The following SLC35D1 variants were observed in gnomAD, a reference collection of about 807,000 sequenced individuals.
The protein encoded by SLC35D1 is solute carrier family 35 member D1.
In SLC35D1, 31 loss-of-function variants were observed where a neutral mutation model predicts 46.7. The observed-to-expected ratio is 0.66, with a 90% CI of 0.50 to 0.90. The LOEUF is 0.90. SLC35D1 is among the 40% of genes least tolerant of loss of function. The probability of loss-of-function intolerance (pLI) is 0.00; values close to 1 mark genes in which losing one functional copy is unlikely to be tolerated. For synonymous variants in SLC35D1, 195 were observed against 164.6 expected, an observed-to-expected ratio of 1.18 and a Z score of -1.41; for missense variants, 397 against 426.2, an observed-to-expected ratio of 0.93 and a Z score of 0.60.
chr1:67,021,550 A>C lies in SLC35D1; in HGVS notation c.782T>G (p.Leu261Arg), dbSNP rs745470848. ...AAAGGCTTACCCCATCACACAGGAG[A>C]GGGTGAACTGCAGAAGAAAGAGGGT... is the stretch of plus-strand genomic sequence containing the variant. ...ADTLFLLQFT[L>R]SCVMGFILMY... is the part of the protein sequence containing the mutation. Residue 261 changes from leucine to arginine, a missense_variant, in exon 9 of 12, where the codon CTC becomes CGC. Transcript: ENST00000235345. The C allele has an allele frequency of 6.2e-7, 1 of 1,614,022 alleles. No individual in the cohort carries two copies.
the SLC35D1 span, chr1:66,986,324 TGTA>T: frequency 1.4e-5 from 22 of 1,540,416 alleles, no homozygotes; most frequent in Admixed American, 2.5e-4. Flanking sequence ...TGTTAAATAA[TGTA>T]GTTTTATATA....
chr1:67,033,063 A>G (rs1668049638), intron 8 of SLC35D1, among the ~76,000 whole-genome samples: 1 of 152,190 alleles, frequency 6.6e-6, no homozygotes, highest in Non-Finnish European at 1.5e-5. Flanking sequence ...ATGTTGTTGC[A>G]AATTTCAGCA....
chr1:66,984,481 C>T, the SLC35D1 span: 2 of 958,288 alleles, frequency 2.1e-6, no homozygotes, highest in Non-Finnish European at 3.1e-6. Context: ...ACCTTGCTTC[C>T]TTGATAACAA....
chr1:67,035,804 T>C (rs1668110632), intron 8 of SLC35D1, among the ~76,000 whole-genome samples: 1 of 109,202 alleles, frequency 9.2e-6, no homozygotes, highest in Non-Finnish European at 1.9e-5. Flanking sequence ...TTGAAGTTTT[T>C]CTTTTTTTTT....
chr1:67,029,019 T>C (rs975675651), intron 8 of SLC35D1, among the ~76,000 whole-genome samples: 3 of 152,222 alleles, frequency 2.0e-5, no homozygotes, highest in Admixed American at 1.3e-4. Flanking sequence ...TACCTTAATG[T>C]AGGAAGGTAA....
intron 10 of SLC35D1, among the ~76,000 whole-genome samples, chr1:67,011,624 A>T (rs1667567488): frequency 6.6e-6 from 1 of 152,130 alleles, no homozygotes; most frequent in South Asian, 2.1e-4. Context: ...CTGGGACCAC[A>T]GGTGTGTGCC....
chr1:66,984,857 T>C, the SLC35D1 span: 16 of 1,604,650 alleles, frequency 1.0e-5, no homozygotes, highest in Middle Eastern at 1.7e-4. Context: ...CAAGAAGCAG[T>C]CTCACATGGG....
intron 8 of SLC35D1, among the ~76,000 whole-genome samples, chr1:67,037,995 G>A (rs1053386101): frequency 2.0e-5 from 3 of 152,158 alleles, no homozygotes; most frequent in Non-Finnish European, 4.4e-5. Flanking sequence ...TGCCAAGTAG[G>A]TCACTTGCTC....
chr1:67,026,112 GTCTT>G (rs1250484781), intron 8 of SLC35D1, among the ~76,000 whole-genome samples: 2 of 152,120 alleles, frequency 1.3e-5, no homozygotes, highest in South Asian at 2.1e-4. Flanking sequence ...AAAGTATTCA[GTCTT>G]TCTTTCACCA....
At chr1:66,975,991 TG>T in the SLC35D1 span, among the ~76,000 whole-genome samples, 2 of 147,438 alleles carry the variant, frequency 1.4e-5, no homozygotes, top group African/African-American at 5.2e-5. Context: ...GCCTTTTTTT[TG>T]TGTGTGTGTG....
chr1:66,995,885 A>C (rs2102209469), downstream of SLC35D1, among the ~76,000 whole-genome samples: 1 of 152,354 alleles, frequency 6.6e-6, no homozygotes, highest in Non-Finnish European at 1.5e-5. Context: ...TATTCACCGA[A>C]AAAAATTATC....
At chr1:66,974,745 AC>A in the SLC35D1 span, among the ~76,000 whole-genome samples, 2 of 152,194 alleles carry the variant, frequency 1.3e-5, no homozygotes, top group Non-Finnish European at 2.9e-5. Flanking sequence ...ACTCTAGTGC[AC>A]AAAAAGAGGA....
At chr1:66,984,602 TAAAC>T in the SLC35D1 span, 2 of 1,607,116 alleles carry the variant, frequency 1.2e-6, no homozygotes, top group Non-Finnish European at 1.7e-6. Context: ...GGTGAAATAT[TAAAC>T]AAAGAGGAAG....
At chr1:66,990,815 C>T in the SLC35D1 span, among the ~76,000 whole-genome samples, 1 of 152,064 alleles carries the variant, frequency 6.6e-6, no homozygotes, top group African/African-American at 2.4e-5. Flanking sequence ...AGCACTTGTC[C>T]CAGGTGCCAT....
chr1:66,995,571 G>A (rs1667231198), downstream of SLC35D1, among the ~76,000 whole-genome samples: 1 of 150,568 alleles, frequency 6.6e-6, no homozygotes, highest in Admixed American at 6.7e-5. Context: ...GAGGGCAGGG[G>A]AGCCTATTTC....
intron 8 of SLC35D1, among the ~76,000 whole-genome samples, chr1:67,033,589 T>C (rs990666189): frequency 1.3e-5 from 2 of 152,174 alleles, no homozygotes; most frequent in African/African-American, 4.8e-5. Context: ...CTAGATTTTT[T>C]CCTATAGAGC....
chr1:67,043,335 G>C (rs775582112), intron 7 of SLC35D1, among the ~76,000 whole-genome samples: 1 of 151,972 alleles, frequency 6.6e-6, no homozygotes, highest in Admixed American at 6.6e-5. Flanking sequence ...TTGTGCCCCT[G>C]TACTCCAACC....
downstream of SLC35D1, among the ~76,000 whole-genome samples, chr1:66,999,017 T>G (rs1667278182): frequency 6.6e-6 from 1 of 152,218 alleles, no homozygotes; most frequent in South Asian, 2.1e-4. Context: ...TAAAAAAGGT[T>G]TAATATGCTT....
rs1022221657 is a variant in SLC35D1, at chr1:67,053,769, GCTC to G, written c.203+39_203+41del. On this transcript the variant is annotated intron_variant, in intron 1 of 11. Coordinates refer to ENST00000235345, the MANE Select transcript of SLC35D1 (RefSeq NM_015139.3). ...CGGCGCCGCGCCGCCGCCGCCGCCC[GCTC>G]CTCCTCCGCGGCCTGGGCCGCCGCC... 20 of 1,452,828 alleles carry G rather than the reference GCTC, an allele frequency of 1.4e-5. No individual in the cohort carries two copies. In the African/African-American group the frequency reaches 2.3e-4, roughly 16 times the overall value. 90.0% of individuals were successfully genotyped at this position (1,452,828 alleles called of 1,614,324 possible).
Sources: gnomAD v4.1 joint callset for allele counts (sites outside exome capture counted in the v4.1 genomes callset) on GRCh38, gnomAD v4.1.1 for gene constraint, MANE v1.5 for transcripts, NCBI Gene and HGNC (gene_info 2026-07-23, HGNC 2026-07-21) for gene names.